Variants in CCDC88C observed in about 807,000 individuals in gnomAD.
CCDC88C encodes coiled-coil and HOOK domain protein 88C.
In CCDC88C, 131 loss-of-function variants were observed where a neutral mutation model predicts 198.8. That is an observed-to-expected ratio of 0.66 (90% confidence interval 0.57 to 0.76). The LOEUF (loss-of-function observed/expected upper bound fraction) is 0.76, where lower values mean the gene tolerates loss of function less well. CCDC88C is among the 30% of genes least tolerant of loss of function. CCDC88C has a pLI of 0.00. For missense variants in CCDC88C, 2,553 were observed against 2,631.6 expected, an observed-to-expected ratio of 0.97 and a Z score of 0.65; for synonymous variants, 1,166 against 1,114.7, an observed-to-expected ratio of 1.05 and a Z score of -0.92.
chr14:91,345,190 A>ATATATATTTTTTTTTTTT (rs1246878587), intron 4 of CCDC88C, among the ~76,000 whole-genome samples: 1 of 52,204 alleles, frequency 1.9e-5, no homozygotes, highest in African/African-American at 7.9e-5. Context: ...ATATATATAT[A>ATATATATTTTTTTTTTTT]TTTTTTTTTT....
intron 22 of CCDC88C, among the ~76,000 whole-genome samples, chr14:91,296,581 TGGGTGGGTGGCTGTGACAAGGCA>T (rs1891013241): frequency 6.6e-6 from 1 of 152,204 alleles, no homozygotes; most frequent in Admixed American, 6.5e-5. Flanking sequence ...GCACAAGATC[TGGGTGGGTGGCTGTGACAAGGCA>T]TCTTGGCACC....
At chr14:91,380,759 G>C (rs371475063) in intron 3 of CCDC88C, among the ~76,000 whole-genome samples, 3 of 152,126 alleles carry the variant, frequency 2.0e-5, no homozygotes, top group Non-Finnish European at 4.4e-5. Context: ...CCAGAAGTAG[G>C]AGACAGAGGG....
At chr14:91,287,636 C>CTTTTTTTTTTTTTTTTTT (rs71120129) in intron 25 of CCDC88C, among the ~76,000 whole-genome samples, 1 of 75,630 alleles carries the variant, frequency 1.3e-5, no homozygotes, top group Non-Finnish European at 2.5e-5. Context: ...TGCACCAGGT[C>CTTTTTTTTTTTTTTTTTT]TTTTTTTTTT....
Position 91,303,175 on chromosome 14 carries a change from C to T in CCDC88C, c.3635+526G>A, listed in dbSNP as rs370573988. 1.7e-4 allele frequency among the ~76,000 whole-genome samples: 26 copies of T among 152,076 alleles called. No homozygotes were observed. The East Asian group carries it at 3.1e-3, about 18-fold the overall frequency. ...ACTCCCCAGGCCTGGCCTCAGGCCC[C>T]GCTGCAGGCCTACCCAGGGGCCCCA... On this transcript the variant is annotated intron_variant, in intron 20 of 29. Transcript: ENST00000389857.
intron 13 of CCDC88C, 152 bp from the exon 14 acceptor site, chr14:91,315,939 C>A (rs918782040): frequency 1.4e-5 from 10 of 712,594 alleles, no homozygotes; most frequent in Admixed American, 8.1e-5. Context: ...CAACTCCCCA[C>A]ACCACAGCTG....
intron 3 of CCDC88C, among the ~76,000 whole-genome samples, chr14:91,362,954 T>A (rs962049079): frequency 3.9e-4 from 59 of 151,388 alleles, no homozygotes; most frequent in African/African-American, 1.4e-3. Flanking sequence ...AAAGAAATCA[T>A]GTTTTAGGAA....
intron 3 of CCDC88C, among the ~76,000 whole-genome samples, chr14:91,362,789 C>T (rs1264940972): frequency 1.3e-5 from 2 of 152,090 alleles, no homozygotes; most frequent in East Asian, 3.9e-4. Flanking sequence ...ATAAGCTGGG[C>T]GTGGTGGCGG....
chr14:91,326,493 A>G lies in CCDC88C; in HGVS notation c.1051-437T>C, dbSNP rs904685636. 3.9e-5 allele frequency among the ~76,000 whole-genome samples: 6 copies of G among 152,338 alleles called. No homozygotes were observed. The East Asian group carries it at 1.2e-3, about 29-fold the overall frequency. ...CTCCTAAAGTTCTGGGATTACGGGCATGAGCCACTGTGCCCAGCCCATCTT... is the reference window on the plus strand; with the variant it reads ...CTCCTAAAGTTCTGGGATTACGGGCGTGAGCCACTGTGCCCAGCCCATCTT... On this transcript the variant is annotated intron_variant, in intron 10 of 29. Coordinates refer to ENST00000389857, the MANE Select transcript of CCDC88C (RefSeq NM_001080414.4).
chr14:91,351,872 T>C (rs1236294934), intron 4 of CCDC88C, among the ~76,000 whole-genome samples: 2 of 151,922 alleles, frequency 1.3e-5, no homozygotes, highest in African/African-American at 4.8e-5. Flanking sequence ...CACTTTGAAA[T>C]ATCAGCCCCT....
intron 4 of CCDC88C, among the ~76,000 whole-genome samples, chr14:91,344,701 T>C (rs955447746): frequency 9.9e-5 from 15 of 151,712 alleles, no homozygotes; most frequent in African/African-American, 3.4e-4. Context: ...TTAGTAGAGA[T>C]GGGGTTTCAC....
chr14:91,311,516 G>A (rs1891822977), intron 15 of CCDC88C, among the ~76,000 whole-genome samples: 1 of 152,202 alleles, frequency 6.6e-6, no homozygotes, highest in Non-Finnish European at 1.5e-5. Context: ...ACCAGAAGAG[G>A]ACTCCACTAG....
At position 91,348,554 on chromosome 14, in the gene CCDC88C, T is replaced by A. The variant is rs550420910; in HGVS notation, c.341-4897A>T. ...GCTGTTTGGTGACAGAGCAAACGGT[T>A]CTACTCTCTCAGCACCCTGCAATCA... On this transcript the variant is annotated intron_variant, in intron 4 of 29. Coordinates refer to ENST00000389857, the MANE Select transcript of CCDC88C (RefSeq NM_001080414.4). 2.9e-4 allele frequency among the ~76,000 whole-genome samples: 44 copies of A among 152,162 alleles called. No individual in the cohort carries two copies. In the South Asian group the frequency reaches 8.9e-3, roughly 31 times the overall value.
chr14:91,387,386 C>T (rs1188678150), intron 3 of CCDC88C, among the ~76,000 whole-genome samples: 2 of 152,202 alleles, frequency 1.3e-5, no homozygotes, highest in Admixed American at 6.5e-5. Flanking sequence ...TTACACTCCG[C>T]TGCGTCTTCT....
intron 3 of CCDC88C, among the ~76,000 whole-genome samples, chr14:91,385,087 C>T (rs1006095135): frequency 6.6e-6 from 1 of 152,200 alleles, no homozygotes; most frequent in Non-Finnish European, 1.5e-5. Context: ...CTAAGACAGA[C>T]AAGGTCCACC....
chr14:91,341,334 T>C (rs1893301014), intron 6 of CCDC88C, among the ~76,000 whole-genome samples: 1 of 152,164 alleles, frequency 6.6e-6, no homozygotes, highest in Admixed American at 6.5e-5. Context: ...CACAGCCACT[T>C]GCTGAGCTTT....
intron 4 of CCDC88C, among the ~76,000 whole-genome samples, chr14:91,355,716 G>T (rs180780377): frequency 6.6e-6 from 1 of 151,482 alleles, no homozygotes; most frequent in South Asian, 2.1e-4. Context: ...TAGGAAGAGA[G>T]TGAACACCCT....
Position 91,303,687 on chromosome 14 carries a change from T to C in CCDC88C, c.3635+14A>G. The C allele has an allele frequency of 6.4e-7, 1 of 1,557,652 alleles. No individual in the cohort carries two copies. The highest frequency in any genetic ancestry group is 8.7e-7 in the Non-Finnish European group (1 of 1,148,600). ...CTACCCCTCCCCAGATCCCCTTCCT[T>C]CCCCAGGCCCTACCTCTCCCCGAGC... On this transcript the variant is annotated intron_variant, in intron 20 of 29. Transcript: ENST00000389857.
At chr14:91,324,711 G>A (rs529789537) in intron 12 of CCDC88C, 68 bp downstream of exon 12, 3 of 1,579,682 alleles carry the variant, frequency 1.9e-6, no homozygotes, top group East Asian at 2.2e-5. Flanking sequence ...TCAGAGCCCA[G>A]GACTCAGCTC....
intron 13 of CCDC88C, among the ~76,000 whole-genome samples, chr14:91,317,650 G>A (rs997385487): frequency 6.6e-6 from 1 of 152,234 alleles, no homozygotes; most frequent in Non-Finnish European, 1.5e-5. Context: ...GGACGAGAGG[G>A]AGGAGAGAGC....
Sources: gnomAD v4.1 joint callset for allele counts (sites outside exome capture counted in the v4.1 genomes callset) on GRCh38, gnomAD v4.1.1 for gene constraint, MANE v1.5 for transcripts, NCBI Gene and HGNC (gene_info 2026-07-23, HGNC 2026-07-21) for gene names.